ARAP1: variants seen among roughly 807,000 people sequenced by gnomAD.
ARAP1 encodes ArfGAP with RhoGAP domain, ankyrin repeat and PH domain 1.
In ARAP1, 76 loss-of-function variants were observed where a neutral mutation model predicts 172.2. That is an observed-to-expected ratio of 0.44 (90% CI 0.37 to 0.53). ARAP1 has a LOEUF of 0.53. ARAP1 is among the 20% of genes least tolerant of loss of function. The probability of loss-of-function intolerance (pLI) is 0.00; values close to 1 mark genes in which losing one functional copy is unlikely to be tolerated. For synonymous variants in ARAP1, 804 were observed against 803.3 expected, an observed-to-expected ratio of 1.00 and a Z score of -0.01; for missense variants, 1,686 against 1,977.5, an observed-to-expected ratio of 0.85 and a Z score of 2.80.
At position 72,707,344 on chromosome 11, in the gene ARAP1, C is replaced by T. The variant is rs1407738477; in HGVS notation, c.1554G>A (p.Glu518=). Residue 518 remains glutamate, a synonymous_variant, in exon 12 of 35, where the codon GAG becomes GAA. Transcript: ENST00000393609. ...CTCCCTGCATGGCCTCCAACCACTG[C>T]TCCTTCTCTAGCTCTGAGTCAGCAG... The part of the protein sequence containing the change: ...SFSADSELEK[E]QWLEAMQGAI... The T allele has an allele frequency of 1.2e-6, 2 of 1,613,214 alleles. No homozygotes were observed. Among genetic ancestry groups the T allele is most frequent in the Admixed American group, 3.3e-5 (2 of 59,964 alleles).
intron 1 of ARAP1, among the ~76,000 whole-genome samples, 168 bp from the exon 2 acceptor site, chr11:72,732,765 G>A (rs891007075): frequency 6.6e-6 from 1 of 152,132 alleles, no homozygotes; most frequent in Non-Finnish European, 1.5e-5. Flanking sequence ...AGGTGGATTC[G>A]AGTCCAGGAG....
intron 1 of ARAP1, among the ~76,000 whole-genome samples, chr11:72,742,916 T>C (rs1419391797): frequency 6.6e-6 from 1 of 152,222 alleles, no homozygotes; most frequent in African/African-American, 2.4e-5. Context: ...CCTGTCCCTG[T>C]GTGCCCCCAC....
Position 72,693,350 on chromosome 11 carries a change from C to T in ARAP1, c.3929G>A (p.Cys1310Tyr), listed in dbSNP as rs774574451. The T allele has an allele frequency of 4.3e-6, 7 of 1,613,864 alleles. No homozygotes were observed. Among genetic ancestry groups the T allele is most frequent in the South Asian group, 1.1e-5 (1 of 91,086 alleles). The change falls in exon 29 of 35, where the codon TGC becomes TAC. Residue 1310 changes from cysteine (C) to tyrosine (Y), a missense_variant. Around this residue, in one of 5 missense-constraint regions of ARAP1, gnomAD observed 379 missense variants for 500.1 expected, o/e 0.76. Transcript: ENST00000393609. The surrounding 1 kb of genome is among the most constrained non-coding windows in gnomAD (Gnocchi z 4.6). ...HDRYFILNSSCLRLYKEVRSQ... is the reference protein window; with the variant it reads ...HDRYFILNSSYLRLYKEVRSQ... ...CCGGACCTCCTTGTAGAGCCGCAAG[C>T]AGCTGCTGTTGAGGATGAAGTAGCG...
intron 14 of ARAP1, 87 bp downstream of exon 14, chr11:72,704,065 G>A: frequency 6.5e-7 from 1 of 1,530,602 alleles, no homozygotes; most frequent in Non-Finnish European, 9.0e-7. Context: ...TGAGCTGGTA[G>A]ATGAGATGGG....
intron 13 of ARAP1, 81 bp downstream of exon 13, chr11:72,705,724 A>C (rs1856728143): frequency 1.4e-6 from 2 of 1,448,236 alleles, no homozygotes; most frequent in Non-Finnish European, 1.9e-6. Context: ...GGTCACTGAG[A>C]TAGGGAGGGG....
Position 72,712,555 on chromosome 11 carries a change from G to A in ARAP1, c.761C>T (p.Pro254Leu), listed in dbSNP as rs115556004. 1.1e-3 allele frequency: 1,749 copies of A among 1,612,636 alleles called. 33 individuals are homozygous for A. The African/African-American group carries it at 0.021, about 19-fold the overall frequency. ...RVMTKKEEPP[P>L]SRVPRAVRVA... ...GCGCACGGCCCGTGGGACTCGGCTC[G>A]GTGGGGGCTCCTCCTGCCCCCGAGA... The change falls in exon 6 of 35, where the codon CCG becomes CTG. Residue 254 changes from proline (P) to leucine (L), a missense_variant. This residue lies in a region of ARAP1 where 155 missense variants were observed against 129.2 expected (regional missense o/e 1.20). Transcript: ENST00000393609.
chr11:72,704,992 T>C (rs1856688406), intron 13 of ARAP1: 4 of 152,746 alleles, frequency 2.6e-5, no homozygotes, highest in African/African-American at 9.6e-5. Flanking sequence ...GCTTCAAGGC[T>C]GTAAACTGGT....
At chr11:72,703,952 T>G in intron 14 of ARAP1, 200 bp downstream of exon 14, 1 of 620,920 alleles carries the variant, frequency 1.6e-6, no homozygotes, top group Non-Finnish European at 2.7e-6. Flanking sequence ...GGCCCAAGGG[T>G]CAGGCCTGGC....
chr11:72,704,668 T>C, intron 13 of ARAP1: 1 of 277,412 alleles, frequency 3.6e-6, no homozygotes, highest in Non-Finnish European at 6.8e-6. Flanking sequence ...CCTGAGGCTG[T>C]GACAGCTGGG....
In ARAP1 at chr11:72,741,572, A is replaced by G. The variant is rs1208401903; in HGVS notation, c.-127-8975T>C. On this transcript the variant is annotated intron_variant, in intron 1 of 34. Coordinates refer to ENST00000393609, the MANE Select transcript of ARAP1 (RefSeq NM_001040118.3). The surrounding 1 kb of genome is among the most constrained non-coding windows in gnomAD (Gnocchi z 4.5). The stretch of plus-strand genomic sequence containing the variant: ...AAGGGGCAGCCTGAGGAGCCACAGG[A>G]TGACTCCAGGAAGATCCTCCTGTGA... 6.6e-6 allele frequency among the ~76,000 whole-genome samples: 1 copy of G among 152,018 alleles called. No individual in the cohort carries two copies. The highest frequency in any genetic ancestry group is 1.9e-4 in the East Asian group (1 of 5,178).
rs1030362447 is a variant in ARAP1, at chr11:72,712,439, TG to T, written c.876del (p.Asn293MetfsTer9). 6.4e-7 allele frequency: 1 copy of T among 1,573,998 alleles called. No individual in the cohort carries two copies. Among genetic ancestry groups the T allele is most frequent in the Non-Finnish European group, 8.7e-7 (1 of 1,154,274 alleles). Reference protein sequence around the residue: ...EEDDHAYEGVPNGGWHTSSLS... With the variant: ...EEDDHAYEGVXNGGWHTSSLS... Reference sequence around the variant, plus strand: ...GAAGGAGGGTGGCCGGACACTCACTTGGGGACGCCCTCATAGGCGTGGTCAT... The same window carrying T: ...GAAGGAGGGTGGCCGGACACTCACTTGGGACGCCCTCATAGGCGTGGTCAT... On this transcript the variant is annotated frameshift_variant and splice_region_variant, in exon 6 of 35. Transcript: ENST00000393609. LOFTEE classifies it high-confidence loss of function.
chr11:72,710,915 A>G lies in ARAP1; in HGVS notation c.1213+106T>C. The G allele has an allele frequency of 1.3e-6, 2 of 1,568,076 alleles. No individual in the cohort carries two copies. The highest frequency in any genetic ancestry group is 8.7e-7 in the Non-Finnish European group (1 of 1,152,696). On this transcript the variant is annotated intron_variant, in intron 9 of 34. Transcript: ENST00000393609. The surrounding 1 kb of genome is among the most constrained non-coding windows in gnomAD (Gnocchi z 4.3). ...AAGGCAGCATGCCTCCCCGGATGTG[A>G]TGTGAGAGGGCAGATGCACCATGAC...
chr11:72,736,569 G>C (rs561292632), intron 1 of ARAP1, among the ~76,000 whole-genome samples: 2 of 152,204 alleles, frequency 1.3e-5, no homozygotes, highest in African/African-American at 2.4e-5. Flanking sequence ...TGGCAGAAGG[G>C]AGTGTCATCC....
rs148304349 is a variant in ARAP1 at position 72,740,009 on chromosome 11, G to C, written c.-127-7412C>G. ...CTCACCAGCTCCCCTTGGGGACTGT[G>C]GGGAGCAGGGGGAGAAGAGCTGTCT... On this transcript the variant is annotated intron_variant, in intron 1 of 34. Coordinates refer to ENST00000393609, the MANE Select transcript of ARAP1 (RefSeq NM_001040118.3). Among the ~76,000 whole-genome samples the C allele has an allele frequency of 4.0e-4, 61 of 152,326 alleles. 1 individual carries two copies. The East Asian group carries it at 0.011, about 27-fold the overall frequency.
chr11:72,705,457 G>A (rs994197577), intron 13 of ARAP1: 3 of 235,894 alleles, frequency 1.3e-5, no homozygotes, highest in African/African-American at 6.8e-5. Flanking sequence ...TTCAATGGAT[G>A]ACAGTGAAAT....
intron 1 of ARAP1, among the ~76,000 whole-genome samples, chr11:72,739,364 G>A (rs928616995): frequency 5.3e-5 from 8 of 152,120 alleles, no homozygotes; most frequent in African/African-American, 1.4e-4. Flanking sequence ...TGGGGTCTCC[G>A]GAGTGCTGGT....
chr11:72,696,097 G>A (rs1161306424), intron 23 of ARAP1, among the ~76,000 whole-genome samples: 6 of 151,828 alleles, frequency 4.0e-5, no homozygotes, highest in Non-Finnish European at 8.8e-5. Flanking sequence ...CTACAACAGT[G>A]GTCCCCAACA....
At chr11:72,744,449 G>C (rs1429370592) in intron 1 of ARAP1, among the ~76,000 whole-genome samples, 1 of 152,136 alleles carries the variant, frequency 6.6e-6, no homozygotes, top group Non-Finnish European at 1.5e-5. Flanking sequence ...TTCTACTATA[G>C]TTCTACTACC....
At position 72,725,958 on chromosome 11, in the gene ARAP1, G is replaced by T. The variant is rs894156277; in HGVS notation, c.509+662C>A. 6.6e-6 allele frequency among the ~76,000 whole-genome samples: 1 copy of T among 152,128 alleles called. No individual in the cohort carries two copies. Among genetic ancestry groups the T allele is most frequent in the Non-Finnish European group, 1.5e-5 (1 of 68,000 alleles). ...TGACAGCCGGGCATCCCAGCAGATG[G>T]CAGGAAGGGAGGGCGTCTGTGAAGG... On this transcript the variant is annotated intron_variant, in intron 3 of 34. Transcript: ENST00000393609. This position sits in a 1 kb window ranked among gnomAD's most constrained non-coding sequence, Gnocchi z 4.3.
Sources: allele counts gnomAD v4.1 joint callset (sites outside exome capture counted in the v4.1 genomes callset), GRCh38; gene constraint gnomAD v4.1.1; regional missense constraint gnomAD v4.1.1; non-coding constraint Gnocchi (gnomAD v3.1); transcripts MANE v1.5; gene names NCBI Gene and HGNC (gene_info 2026-07-23, HGNC 2026-07-21).